Variants in CCDC149 observed in about 807,000 individuals in gnomAD.
CCDC149 encodes coiled-coil domain-containing protein 149.
Under a neutral mutation model 59.9 loss-of-function variants are expected in CCDC149, and 45 were observed. The ratio of observed to expected loss-of-function variants is 0.75; its 90% CI spans 0.59 to 0.96. CCDC149 has a LOEUF of 0.96. CCDC149 is among the 40% of genes least tolerant of loss of function. The pLI is 0.00. For missense variants in CCDC149, 584 were observed against 664.7 expected, an observed-to-expected ratio of 0.88 and a Z score of 1.33; for synonymous variants, 245 against 260.6, an observed-to-expected ratio of 0.94 and a Z score of 0.58.
intron 3 of CCDC149, among the ~76,000 whole-genome samples, chr4:24,866,112 C>T (rs1477717569): frequency 6.6e-6 from 1 of 152,130 alleles, no homozygotes; most frequent in African/African-American, 2.4e-5. Flanking sequence ...CTAAAATAAG[C>T]TTGACCAAGG....
intron 12 of CCDC149, among the ~76,000 whole-genome samples, chr4:24,810,693 A>T (rs1187226429): frequency 2.0e-5 from 3 of 152,240 alleles, no homozygotes; most frequent in Non-Finnish European, 4.4e-5. Flanking sequence ...GAAAATGGGC[A>T]AGCCAGAAAC....
intron 1 of CCDC149, among the ~76,000 whole-genome samples, chr4:24,928,741 A>C (rs73103277): frequency 0.03 from 4,528 of 152,192 alleles, 215 homozygotes; most frequent in African/African-American, 0.1. Flanking sequence ...CAGCAACCCT[A>C]GGAAACTGAC....
intron 4 of CCDC149, among the ~76,000 whole-genome samples, chr4:24,846,140 G>A (rs933669263): frequency 8.5e-5 from 13 of 152,168 alleles, no homozygotes; most frequent in South Asian, 6.2e-4. Context: ...ATGAGGTATC[G>A]GAAGACCAAG....
At chr4:24,925,313 G>A (rs1722408638) in intron 1 of CCDC149, among the ~76,000 whole-genome samples, 1 of 152,156 alleles carries the variant, frequency 6.6e-6, no homozygotes, top group Non-Finnish European at 1.5e-5. Flanking sequence ...TCTTGGTTCA[G>A]CCCTCTGAGT....
chr4:24,910,014 G>A (rs530411593), intron 1 of CCDC149, among the ~76,000 whole-genome samples: 10 of 152,288 alleles, frequency 6.6e-5, no homozygotes, highest in African/African-American at 2.4e-4. Context: ...GATCATAAAC[G>A]GGGTGGCTTA....
chr4:24,968,709 T>G (rs959763287), intron 1 of CCDC149, among the ~76,000 whole-genome samples: 2 of 152,206 alleles, frequency 1.3e-5, no homozygotes, highest in African/African-American at 4.8e-5. Context: ...TGAAACCAGG[T>G]GTGGACAGAA....
Position 24,826,984 on chromosome 4 carries a change from A to T in CCDC149, c.966-4411T>A, listed in dbSNP as rs571080335. On this transcript the variant is annotated intron_variant, in intron 9 of 12. Transcript: ENST00000635206. ...AGGATGAGGGAGATTTTAAAGTTTT[A>T]AAGTTTTTATTTAGTTATGGGTTGC... 1.9e-3 allele frequency: 296 copies of T among 152,272 alleles called. 3 individuals are homozygous for T. The highest frequency in any genetic ancestry group is 6.5e-3 in the African/African-American group (269 of 41,562). 9.4% of individuals were successfully genotyped at this position (152,272 alleles called of 1,614,324 possible). A position where few individuals can be genotyped will look rare whatever the true frequency, so the allele number is the denominator to read the frequency against.
chr4:24,897,486 C>T (rs145800999), intron 1 of CCDC149, among the ~76,000 whole-genome samples: 1,596 of 152,080 alleles, frequency 0.01, 14 homozygotes, highest in South Asian at 0.047. Flanking sequence ...CTTGATCAGG[C>T]AGTAATTAAT....
At chr4:24,849,783 G>A (rs528795295) in intron 4 of CCDC149, among the ~76,000 whole-genome samples, 1 of 152,324 alleles carries the variant, frequency 6.6e-6, no homozygotes, top group South Asian at 2.1e-4. Context: ...GCAACTCAGA[G>A]ATAAAAATCT....
intron 1 of CCDC149, among the ~76,000 whole-genome samples, chr4:24,881,886 T>C (rs1375245380): frequency 6.6e-6 from 1 of 152,210 alleles, no homozygotes; most frequent in East Asian, 1.9e-4. Flanking sequence ...TGAAAGTGTT[T>C]GCATAATGTG....
intron 4 of CCDC149, among the ~76,000 whole-genome samples, chr4:24,849,622 G>A (rs2109174844): frequency 6.6e-6 from 1 of 152,336 alleles, no homozygotes; most frequent in East Asian, 1.9e-4. Context: ...ATGGCCCATA[G>A]GGTTACAAGG....
intron 7 of CCDC149, 147 bp downstream of exon 7, chr4:24,836,289 G>A: frequency 1.5e-6 from 1 of 648,640 alleles, no homozygotes; most frequent in African/African-American, 1.8e-5. Flanking sequence ...ATTTGTACTG[G>A]TTACCCCAGT....
intron 1 of CCDC149, among the ~76,000 whole-genome samples, chr4:24,974,975 G>A (rs1347007916): frequency 6.6e-6 from 1 of 152,182 alleles, no homozygotes; most frequent in Non-Finnish European, 1.5e-5. Context: ...ATAGTAGGAA[G>A]AGGTGGTGCC....
At chr4:24,938,265 A>G (rs1560262682) in intron 1 of CCDC149, among the ~76,000 whole-genome samples, 1 of 152,236 alleles carries the variant, frequency 6.6e-6, no homozygotes, top group Admixed American at 6.5e-5. Flanking sequence ...TAAAAGAGGA[A>G]TATTATTTTT....
At chr4:24,811,576 A>G (rs1193491213) in intron 12 of CCDC149, among the ~76,000 whole-genome samples, 1 of 152,178 alleles carries the variant, frequency 6.6e-6, no homozygotes, top group Admixed American at 6.5e-5. Flanking sequence ...CAGAAGTCCA[A>G]AAAAATTTCA....
intron 1 of CCDC149, among the ~76,000 whole-genome samples, chr4:24,923,856 C>T (rs1722366649): frequency 6.6e-6 from 1 of 152,196 alleles, no homozygotes; most frequent in Non-Finnish European, 1.5e-5. Context: ...TTTGATTTCT[C>T]CTTCACAAGA....
At chr4:24,953,053 C>G (rs1723361691) in intron 1 of CCDC149, among the ~76,000 whole-genome samples, 1 of 152,074 alleles carries the variant, frequency 6.6e-6, no homozygotes, top group African/African-American at 2.4e-5. Flanking sequence ...AGCAACCTGA[C>G]CCTCCAATAA....
intron 1 of CCDC149, among the ~76,000 whole-genome samples, chr4:24,886,753 T>G (rs959986028): frequency 6.6e-6 from 1 of 151,842 alleles, no homozygotes; most frequent in Non-Finnish European, 1.5e-5. Context: ...AACACAGGAG[T>G]GCATAGGAGC....
At chr4:24,848,075 C>T (rs370390826) in intron 4 of CCDC149, among the ~76,000 whole-genome samples, 11 of 152,054 alleles carry the variant, frequency 7.2e-5, no homozygotes, top group African/African-American at 2.6e-4. Context: ...AGATTTATAT[C>T]GTATGCCATT....
Sources: allele counts gnomAD v4.1 joint callset (sites outside exome capture counted in the v4.1 genomes callset), GRCh38; gene constraint gnomAD v4.1.1; transcripts MANE v1.5; gene names NCBI Gene and HGNC (gene_info 2026-07-23, HGNC 2026-07-21).